The following PARD3B variants were observed in gnomAD, a reference collection of about 807,000 sequenced individuals.
PARD3B encodes the protein par-3 family cell polarity regulator beta.
In PARD3B, 103 loss-of-function variants were observed where a neutral mutation model predicts 130.2. That is an observed-to-expected ratio of 0.79 (90% CI 0.67 to 0.93). PARD3B has a LOEUF of 0.93. Ranked by LOEUF, PARD3B falls within the 40% of genes least tolerant of loss-of-function variation. The pLI is 0.00. For synonymous variants in PARD3B, 583 were observed against 553.2 expected (o/e 1.05, Z -0.76); for missense variants, 1,609 against 1,499.2 (o/e 1.07, Z -1.21).
intron 4 of PARD3B, among the ~76,000 whole-genome samples, chr2:205,082,166 C>T (rs1436416166): frequency 6.6e-6 from 1 of 151,914 alleles, no homozygotes; most frequent in Non-Finnish European, 1.5e-5. Flanking sequence ...AATAGAATTC[C>T]TTTGTTTTTC....
chr2:204,584,001 C>T lies in PARD3B; in HGVS notation c.120+37882C>T, dbSNP rs561032041. ...AGGCTGGGCTGGGAGTGGTTGGTGA[C>T]GTTGCCAGGGAGACTGAAGTTGGGG... On this transcript the variant is annotated intron_variant, in intron 1 of 22. Transcript: ENST00000406610. 2.6e-4 allele frequency among the ~76,000 whole-genome samples: 40 copies of T among 152,328 alleles called. 1 individual carries two copies. Among genetic ancestry groups the T allele is most frequent in the African/African-American group, 7.9e-4 (33 of 41,578 alleles).
At position 205,606,680 on chromosome 2, in the gene PARD3B, C is replaced by G. The variant is rs183881561; in HGVS notation, c.3261-8776C>G. 4.6e-5 allele frequency among the ~76,000 whole-genome samples: 7 copies of G among 152,304 alleles called. No homozygotes were observed. In the East Asian group the frequency reaches 1.3e-3, roughly 29 times the overall value. On this transcript the variant is annotated intron_variant, in intron 22 of 22. Transcript: ENST00000406610. ...ACCTTCTGCTTCTTACTTGCCTGCT[C>G]TTGACAAGCCAGCATCAGAGGAATG... is the stretch of plus-strand genomic sequence containing the variant.
At chr2:205,337,206 G>A (rs2043345872) in intron 18 of PARD3B, among the ~76,000 whole-genome samples, 1 of 152,210 alleles carries the variant, frequency 6.6e-6, no homozygotes, top group Non-Finnish European at 1.5e-5. Context: ...ACAGTTTGGT[G>A]AAGACATGCC....
chr2:204,955,561 A>G (rs1178994574), intron 2 of PARD3B, among the ~76,000 whole-genome samples: 2 of 152,210 alleles, frequency 1.3e-5, no homozygotes, highest in Non-Finnish European at 2.9e-5. Context: ...TAGATCATTC[A>G]TTTACCTAAG....
chr2:204,978,429 A>G (rs1163683503), intron 3 of PARD3B, among the ~76,000 whole-genome samples: 1 of 152,100 alleles, frequency 6.6e-6, no homozygotes, highest in Non-Finnish European at 1.5e-5. Context: ...CCCCTTTTCT[A>G]TTTGTATTCA....
chr2:205,295,798 A>G (rs1391944233), intron 16 of PARD3B, among the ~76,000 whole-genome samples: 1 of 152,184 alleles, frequency 6.6e-6, no homozygotes, highest in Non-Finnish European at 1.5e-5. Flanking sequence ...GAGAAGGGCA[A>G]CTAAGACTCC....
chr2:204,723,510 AC>A (rs2039086873), intron 2 of PARD3B, among the ~76,000 whole-genome samples: 2 of 152,188 alleles, frequency 1.3e-5, no homozygotes, highest in Non-Finnish European at 2.9e-5. Context: ...CAGTCCAAAA[AC>A]AAGAATCAAT....
rs545831724 is a variant in PARD3B at position 205,050,614 on chromosome 2, C to A, written c.504+2924C>A. Reference sequence around the variant, plus strand: ...ATAAACAAAATAACATAAAAGATCTCATTAATAATTGTTATACTGACTATA... The same window carrying A: ...ATAAACAAAATAACATAAAAGATCTAATTAATAATTGTTATACTGACTATA... On this transcript the variant is annotated intron_variant, in intron 4 of 22. Transcript: ENST00000406610. Among the ~76,000 whole-genome samples, 21 of 151,866 alleles carry A rather than the reference C, an allele frequency of 1.4e-4. 1 individual carries two copies. Among genetic ancestry groups the A allele is most frequent in the African/African-American group, 4.6e-4 (19 of 41,444 alleles).
intron 1 of PARD3B, among the ~76,000 whole-genome samples, chr2:204,596,927 T>C (rs200163286): frequency 6.6e-6 from 1 of 151,860 alleles, no homozygotes; most frequent in Non-Finnish European, 1.5e-5. Context: ...ACTCTCTCTC[T>C]CTCTCTCTCT....
At chr2:204,710,083 C>G (rs942572322) in intron 2 of PARD3B, among the ~76,000 whole-genome samples, 1 of 152,122 alleles carries the variant, frequency 6.6e-6, no homozygotes, top group Admixed American at 6.5e-5. Context: ...ACTTCTATTT[C>G]TTACGTTAAA....
chr2:204,953,447 A>AGAGG, intron 2 of PARD3B, among the ~76,000 whole-genome samples: 1 of 151,482 alleles, frequency 6.6e-6, no homozygotes, highest in African/African-American at 2.4e-5. Context: ...AGAGAGAGAG[A>AGAGG]GAGAGAGAGA....
At chr2:204,654,597 T>C (rs13383412) in intron 1 of PARD3B, among the ~76,000 whole-genome samples, 8 of 152,156 alleles carry the variant, frequency 5.3e-5, no homozygotes, top group Non-Finnish European at 8.8e-5. Flanking sequence ...ATCCATATAG[T>C]GGATTTTAGT....
chr2:205,161,483 T>C (rs2125718638), intron 11 of PARD3B, among the ~76,000 whole-genome samples: 1 of 152,318 alleles, frequency 6.6e-6, no homozygotes, highest in South Asian at 2.1e-4. Context: ...GGTAGAGGCC[T>C]GAGATTTGTT....
chr2:205,556,744 CCA>C (rs2052903814), intron 22 of PARD3B, among the ~76,000 whole-genome samples: 1 of 152,156 alleles, frequency 6.6e-6, no homozygotes, highest in Admixed American at 6.5e-5. Flanking sequence ...TCAACAGCCC[CCA>C]GTTTTCTTGG....
chr2:204,704,434 G>T (rs1052315480), intron 2 of PARD3B, among the ~76,000 whole-genome samples: 9 of 152,054 alleles, frequency 5.9e-5, no homozygotes, highest in Admixed American at 4.6e-4. Flanking sequence ...TTTTCTTCAG[G>T]ATGAAAGGAT....
intron 3 of PARD3B, among the ~76,000 whole-genome samples, chr2:204,998,735 A>G (rs1350544342): frequency 1.3e-5 from 2 of 151,908 alleles, no homozygotes; most frequent in Non-Finnish European, 2.9e-5. Flanking sequence ...TGATTGAGTA[A>G]TTATAGTTTC....
chr2:205,487,777 T>C (rs2049502117), intron 20 of PARD3B, among the ~76,000 whole-genome samples: 1 of 152,202 alleles, frequency 6.6e-6, no homozygotes, highest in Non-Finnish European at 1.5e-5. Context: ...CCCATATAAA[T>C]GTCAGATATG....
At chr2:205,561,946 G>T (rs928334357) in intron 22 of PARD3B, among the ~76,000 whole-genome samples, 3 of 152,106 alleles carry the variant, frequency 2.0e-5, no homozygotes, top group South Asian at 2.1e-4. Flanking sequence ...TTCCCAGTAG[G>T]ATCAGCTGTC....
Position 205,500,843 on chromosome 2 carries a change from T to A in PARD3B, c.3180+812T>A, listed in dbSNP as rs1272189327. On this transcript the variant is annotated intron_variant, in intron 21 of 22. Coordinates refer to ENST00000406610, the MANE Select transcript of PARD3B (RefSeq NM_001302769.2). ...AGAGCTGAACATGGTAATAGCAGTG[T>A]CCTTGCTGGGGTTCAGTTCTCACTC... is the stretch of plus-strand genomic sequence containing the variant. Among the ~76,000 whole-genome samples, 3 of 152,186 alleles carry A rather than the reference T, an allele frequency of 2.0e-5. No individual in the cohort carries two copies. In the East Asian group the frequency reaches 5.8e-4, roughly 29 times the overall value.
Sources: allele counts gnomAD v4.1 joint callset (sites outside exome capture counted in the v4.1 genomes callset), GRCh38; gene constraint gnomAD v4.1.1; transcripts MANE v1.5; gene names NCBI Gene and HGNC (gene_info 2026-07-23, HGNC 2026-07-21).